SKAP1: variants seen among roughly 807,000 people sequenced by gnomAD.
SKAP1 encodes the protein src kinase-associated phosphoprotein 1.
A neutral mutation model predicts 58.5 loss-of-function variants in SKAP1; 44 were observed. That is an observed-to-expected ratio of 0.75 (90% confidence interval 0.59 to 0.97). The LOEUF is 0.97. SKAP1 is among the 50% of genes least tolerant of loss of function. SKAP1 has a pLI of 0.00. For synonymous variants in SKAP1, 127 were observed against 149.7 expected (o/e 0.85, Z 1.11); for missense variants, 390 against 435.2 (o/e 0.90, Z 0.92).
intron 4 of SKAP1, among the ~76,000 whole-genome samples, chr17:48,313,960 A>C (rs2066257355): frequency 6.6e-6 from 1 of 152,250 alleles, no homozygotes; most frequent in East Asian, 1.9e-4. Flanking sequence ...TTTTAAAAAT[A>C]AAATATGTGA....
At chr17:48,225,626 A>G (rs777327385) in intron 4 of SKAP1, among the ~76,000 whole-genome samples, 15 of 152,150 alleles carry the variant, frequency 9.9e-5, no homozygotes, top group Non-Finnish European at 1.6e-4. Flanking sequence ...GCCCATGGAA[A>G]AAAGCTTTTT....
At chr17:48,182,347 C>T (rs2064380554) in intron 8 of SKAP1, 47 bp downstream of exon 8, 1 of 1,361,648 alleles carries the variant, frequency 7.3e-7, no homozygotes, top group African/African-American at 1.4e-5. Flanking sequence ...AACATAACTT[C>T]AACTGCAAAT....
chr17:48,154,456 G>A (rs780096173), intron 11 of SKAP1, among the ~76,000 whole-genome samples: 2 of 152,122 alleles, frequency 1.3e-5, no homozygotes, highest in Non-Finnish European at 2.9e-5. Flanking sequence ...CTAAGCCACC[G>A]TGTAAGTATA....
chr17:48,254,231 C>T (rs2065398488), intron 4 of SKAP1, among the ~76,000 whole-genome samples: 1 of 152,138 alleles, frequency 6.6e-6, no homozygotes, highest in African/African-American at 2.4e-5. Context: ...GAGAAACTTC[C>T]TTCAAGAGAT....
intron 4 of SKAP1, among the ~76,000 whole-genome samples, chr17:48,316,696 G>A (rs1440280130): frequency 6.6e-6 from 1 of 152,140 alleles, no homozygotes; most frequent in African/African-American, 2.4e-5. Context: ...ATGAATAGAT[G>A]AAGAATAGTC....
chr17:48,327,964 C>G (rs951837503), intron 4 of SKAP1, among the ~76,000 whole-genome samples: 1 of 152,142 alleles, frequency 6.6e-6, no homozygotes, highest in Non-Finnish European at 1.5e-5. Flanking sequence ...AAAATGGATA[C>G]TCATGCACGA....
At chr17:48,358,167 T>G (rs1165989865) in intron 3 of SKAP1, among the ~76,000 whole-genome samples, 2 of 152,236 alleles carry the variant, frequency 1.3e-5, no homozygotes, top group African/African-American at 2.4e-5. Context: ...AAATTTAGAC[T>G]TTTTCTTACA....
chr17:48,406,806 T>G (rs1045066429), intron 1 of SKAP1, among the ~76,000 whole-genome samples: 2 of 152,112 alleles, frequency 1.3e-5, no homozygotes, highest in African/African-American at 4.8e-5. Context: ...CCTCAAGTGA[T>G]CCGCCCGCCT....
chr17:48,301,456 ATTTC>A (rs377528374), intron 4 of SKAP1, among the ~76,000 whole-genome samples: 54 of 151,810 alleles, frequency 3.6e-4, no homozygotes, highest in African/African-American at 1.2e-3. Flanking sequence ...TTGAATCTAG[ATTTC>A]TTTCTTTCTT....
intron 4 of SKAP1, among the ~76,000 whole-genome samples, chr17:48,200,360 T>C (rs2064712061): frequency 6.6e-6 from 1 of 151,976 alleles, no homozygotes; most frequent in African/African-American, 2.4e-5. Flanking sequence ...CATCACAAGA[T>C]TGGGCCATTC....
At chr17:48,279,941 C>A (rs984139351) in intron 4 of SKAP1, among the ~76,000 whole-genome samples, 3 of 152,164 alleles carry the variant, frequency 2.0e-5, no homozygotes, top group Admixed American at 2.0e-4. Context: ...TTGCTATCTT[C>A]ATTCCCTGGG....
intron 4 of SKAP1, among the ~76,000 whole-genome samples, chr17:48,235,434 C>CT (rs11389200): frequency 0.038 from 5,522 of 145,878 alleles, 300 homozygotes; most frequent in African/African-American, 0.13. Context: ...TTAGCTTTCA[C>CT]TTTTTTTTTT....
Position 48,410,000 on chromosome 17 carries a change from C to G in SKAP1, c.47-13215G>C, listed in dbSNP as rs563812497. 2.6e-5 allele frequency among the ~76,000 whole-genome samples: 4 copies of G among 152,222 alleles called. No individual in the cohort carries two copies. The East Asian group carries it at 7.7e-4, about 29-fold the overall frequency. The stretch of plus-strand genomic sequence containing the variant: ...AAGGGGAAAGGGAAAAGGCGCTGAC[C>G]TAAGTAGCTTTGGAAATGAGCAGAA... On this transcript the variant is annotated intron_variant, in intron 1 of 12. Coordinates refer to ENST00000336915, the MANE Select transcript of SKAP1 (RefSeq NM_003726.4).
At chr17:48,407,140 T>C (rs1008970291) in intron 1 of SKAP1, among the ~76,000 whole-genome samples, 1 of 152,204 alleles carries the variant, frequency 6.6e-6, no homozygotes, top group African/African-American at 2.4e-5. Flanking sequence ...AAATTATAAT[T>C]ACCACTTAGG....
At chr17:48,233,175 G>C (rs1445102196) in intron 4 of SKAP1, among the ~76,000 whole-genome samples, 1 of 152,188 alleles carries the variant, frequency 6.6e-6, no homozygotes, top group Non-Finnish European at 1.5e-5. Context: ...GGAACTCTGT[G>C]GCAGTTGTGG....
intron 1 of SKAP1, among the ~76,000 whole-genome samples, chr17:48,401,026 C>T (rs2067493012): frequency 6.6e-6 from 1 of 152,072 alleles, no homozygotes. Flanking sequence ...GAGACAATGG[C>T]CGGGCGTGTT....
intron 1 of SKAP1, among the ~76,000 whole-genome samples, chr17:48,414,594 T>C (rs2067709728): frequency 6.6e-6 from 1 of 152,110 alleles, no homozygotes; most frequent in Non-Finnish European, 1.5e-5. Context: ...CTTTCTGTTA[T>C]AATTCATAGC....
At chr17:48,312,410 T>C (rs1349258624) in intron 4 of SKAP1, among the ~76,000 whole-genome samples, 2 of 152,246 alleles carry the variant, frequency 1.3e-5, no homozygotes, top group East Asian at 3.8e-4. Flanking sequence ...AAAGAATGTA[T>C]TAGGATGACG....
At chr17:48,220,418 T>C (rs2064988324) in intron 4 of SKAP1, among the ~76,000 whole-genome samples, 1 of 152,142 alleles carries the variant, frequency 6.6e-6, no homozygotes, top group South Asian at 2.1e-4. Context: ...CTCACAAATA[T>C]AATGCTAAAT....
Sources: allele counts gnomAD v4.1 joint callset (sites outside exome capture counted in the v4.1 genomes callset), GRCh38; gene constraint gnomAD v4.1.1; transcripts MANE v1.5; gene names NCBI Gene and HGNC (gene_info 2026-07-23, HGNC 2026-07-21).